SPAG16: variants seen among roughly 807,000 people sequenced by gnomAD.
SPAG16 encodes the protein sperm associated antigen 16.
Under a neutral mutation model 80.4 loss-of-function variants are expected in SPAG16, and 86 were observed. The ratio of observed to expected loss-of-function variants is 1.07; its 90% CI spans 0.90 to 1.28. SPAG16 has a LOEUF of 1.28. SPAG16 is among the 50% of genes most tolerant of loss of function. SPAG16 has a pLI of 0.00. For synonymous variants in SPAG16, 294 were observed against 265.9 expected (o/e 1.11, Z -1.03); for missense variants, 870 against 765.3 (o/e 1.14, Z -1.61).
intron 10 of SPAG16, among the ~76,000 whole-genome samples, chr2:213,617,543 T>A (rs1445431078): frequency 6.6e-6 from 1 of 152,212 alleles, no homozygotes; most frequent in Non-Finnish European, 1.5e-5. Context: ...GGTTTCACCA[T>A]GTTGGTCAGG....
At chr2:213,679,999 C>G (rs1348079956) in intron 10 of SPAG16, among the ~76,000 whole-genome samples, 2 of 151,990 alleles carry the variant, frequency 1.3e-5, no homozygotes, top group Non-Finnish European at 2.9e-5. Flanking sequence ...AAATTGATAG[C>G]AGATTATCAC....
intron 15 of SPAG16, among the ~76,000 whole-genome samples, chr2:214,186,863 A>C (rs963833198): frequency 2.0e-5 from 3 of 151,918 alleles, no homozygotes; most frequent in African/African-American, 7.3e-5. Flanking sequence ...GTGTTCAAGC[A>C]ATTGTCCTGC....
intron 10 of SPAG16, among the ~76,000 whole-genome samples, chr2:213,697,171 C>A (rs1244501467): frequency 6.6e-6 from 1 of 152,150 alleles, no homozygotes; most frequent in South Asian, 2.1e-4. Context: ...CAAGGAAGCC[C>A]TAGATTGAAT....
chr2:213,745,458 G>A (rs1216139458), intron 10 of SPAG16, among the ~76,000 whole-genome samples: 1 of 152,084 alleles, frequency 6.6e-6, no homozygotes, highest in Non-Finnish European at 1.5e-5. Context: ...GACTAGGCTG[G>A]TCTTGAACTC....
At chr2:214,082,718 C>A (rs905693848) in intron 13 of SPAG16, among the ~76,000 whole-genome samples, 2 of 152,130 alleles carry the variant, frequency 1.3e-5, no homozygotes, top group African/African-American at 4.8e-5. Context: ...TGGGAGAAGG[C>A]CTTAACATCA....
At chr2:213,511,253 G>A (rs981433614) in intron 10 of SPAG16, among the ~76,000 whole-genome samples, 2 of 152,088 alleles carry the variant, frequency 1.3e-5, no homozygotes, top group Non-Finnish European at 2.9e-5. Context: ...AGCAAAGAGA[G>A]CACCAGTAAG....
At chr2:214,404,319 A>G (rs1701876407) in intron 15 of SPAG16, among the ~76,000 whole-genome samples, 1 of 152,154 alleles carries the variant, frequency 6.6e-6, no homozygotes, top group African/African-American at 2.4e-5. Flanking sequence ...GCATTTTCCT[A>G]CCTTGGCCAA....
intron 14 of SPAG16, among the ~76,000 whole-genome samples, chr2:214,117,885 T>C (rs2054018674): frequency 6.6e-6 from 1 of 152,100 alleles, no homozygotes; most frequent in Non-Finnish European, 1.5e-5. Flanking sequence ...ATGAGAAACC[T>C]ACAAACATCA....
chr2:213,791,909 G>A (rs1451110768), intron 10 of SPAG16, among the ~76,000 whole-genome samples: 3 of 152,136 alleles, frequency 2.0e-5, no homozygotes, highest in Admixed American at 6.5e-5. Context: ...TACATATTAT[G>A]TCATCCTGTA....
chr2:214,328,474 CTT>C (rs1559216135), intron 15 of SPAG16, among the ~76,000 whole-genome samples: 1 of 152,122 alleles, frequency 6.6e-6, no homozygotes, highest in Non-Finnish European at 1.5e-5. Flanking sequence ...GTTTAGCAGT[CTT>C]TGAGAAAATT....
chr2:213,909,180 G>A (rs2077553394), intron 11 of SPAG16, among the ~76,000 whole-genome samples: 2 of 152,096 alleles, frequency 1.3e-5, no homozygotes. Flanking sequence ...GGGAAGTGAA[G>A]GACCTCTTCA....
intron 10 of SPAG16, among the ~76,000 whole-genome samples, chr2:213,492,453 G>T (rs1327461962): frequency 2.6e-5 from 4 of 152,006 alleles, no homozygotes; most frequent in Non-Finnish European, 5.9e-5. Flanking sequence ...GGGAGGCTGA[G>T]GCAGGAGAAT....
chr2:214,031,285 G>T (rs1478646812), intron 13 of SPAG16, among the ~76,000 whole-genome samples: 1 of 151,324 alleles, frequency 6.6e-6, no homozygotes, highest in Non-Finnish European at 1.5e-5. Flanking sequence ...CATGTCCTTT[G>T]TAGGGACATG....
At chr2:213,554,748 G>GA (rs906918761) in intron 10 of SPAG16, among the ~76,000 whole-genome samples, 5 of 148,854 alleles carry the variant, frequency 3.4e-5, no homozygotes, top group Non-Finnish European at 6.0e-5. Context: ...TAGTCAAGCA[G>GA]AAAAAAAAAT....
At chr2:213,658,896 C>A (rs1266608649) in intron 10 of SPAG16, among the ~76,000 whole-genome samples, 1 of 152,076 alleles carries the variant, frequency 6.6e-6, no homozygotes, top group African/African-American at 2.4e-5. Context: ...ATTAGCTGGG[C>A]GTGATGGCTT....
At chr2:213,952,427 A>T (rs565175715) in intron 12 of SPAG16, among the ~76,000 whole-genome samples, 1 of 152,172 alleles carries the variant, frequency 6.6e-6, no homozygotes, top group South Asian at 2.1e-4. Context: ...AAATAAAAAC[A>T]TATAAATAAA....
At chr2:213,958,017 T>G (rs1308077807) in intron 12 of SPAG16, among the ~76,000 whole-genome samples, 1 of 151,804 alleles carries the variant, frequency 6.6e-6, no homozygotes, top group East Asian at 1.9e-4. Flanking sequence ...CCAGAAGCAG[T>G]TTTATTATTT....
intron 10 of SPAG16, among the ~76,000 whole-genome samples, chr2:213,793,423 G>C (rs1465041279): frequency 6.6e-6 from 1 of 152,028 alleles, no homozygotes; most frequent in African/African-American, 2.4e-5. Flanking sequence ...ATAGGTACAT[G>C]CCACTCCTTC....
At chr2:214,397,618 C>T (rs1204165697) in intron 15 of SPAG16, among the ~76,000 whole-genome samples, 1 of 152,122 alleles carries the variant, frequency 6.6e-6, no homozygotes, top group African/African-American at 2.4e-5. Context: ...GGACCCCAAA[C>T]ATTGGCAGTC....
Sources: gnomAD v4.1 joint callset for allele counts (sites outside exome capture counted in the v4.1 genomes callset) on GRCh38, gnomAD v4.1.1 for gene constraint, MANE v1.5 for transcripts, NCBI Gene and HGNC (gene_info 2026-07-23, HGNC 2026-07-21) for gene names.